ULK4: variants seen among roughly 807,000 people sequenced by gnomAD.
ULK4 encodes the protein unc-51 like kinase 4.
ULK4 carries 133 observed loss-of-function variants against 160.6 expected under a neutral mutation model. The ratio of observed to expected loss-of-function variants is 0.83; its 90% CI spans 0.72 to 0.96. The LOEUF is 0.96. Among genes scored for constraint, ULK4 ranks in the 40% least tolerant of loss-of-function variants. The pLI, the probability that ULK4 is intolerant of heterozygous loss-of-function variation, is 0.00. For missense variants in ULK4, 1,580 were observed against 1,499.5 expected (o/e 1.05, Z -0.89); for synonymous variants, 534 against 539.8 (o/e 0.99, Z 0.15).
Position 41,696,353 on chromosome 3 carries a change from T to A in ULK4, c.2781+8704A>T, listed in dbSNP as rs543654475. ...TTTCTGATATGCAGAAATAATGGTG[T>A]AAGCTGTCTCTCTCTCTCCCTCTCT... On this transcript the variant is annotated intron_variant, in intron 27 of 36. Transcript: ENST00000301831. Among the ~76,000 whole-genome samples, 184 of 152,296 alleles carry A rather than the reference T, an allele frequency of 1.2e-3. 1 individual carries two copies. The highest frequency in any genetic ancestry group is 2.2e-3 in the Admixed American group (33 of 15,302).
At chr3:41,930,828 A>T (rs1370275289) in intron 5 of ULK4, among the ~76,000 whole-genome samples, 1 of 152,236 alleles carries the variant, frequency 6.6e-6, no homozygotes, top group African/African-American at 2.4e-5. Flanking sequence ...ATTATTAAAA[A>T]GTCAAGAAAC....
rs911655819 is a variant in ULK4, at chr3:41,760,699, T to C, written c.2194-6211A>G. On this transcript the variant is annotated intron_variant, in intron 21 of 36. Transcript: ENST00000301831. ...CAAGGTGTATATGAAACATAAATAT[T>C]GTGCTTAGACTTGGGTCCCATCCCC... Among the ~76,000 whole-genome samples, 99 of 152,184 alleles carry C rather than the reference T, an allele frequency of 6.5e-4. 1 individual carries two copies. The highest frequency in any genetic ancestry group is 5.1e-3 in the Admixed American group (78 of 15,278).
chr3:41,748,712 C>T (rs1194557854), intron 22 of ULK4, among the ~76,000 whole-genome samples: 1 of 152,210 alleles, frequency 6.6e-6, no homozygotes, highest in Non-Finnish European at 1.5e-5. Context: ...ATTTATTTAA[C>T]TTTCCATTCT....
chr3:41,552,528 G>C (rs1328857836), intron 32 of ULK4, among the ~76,000 whole-genome samples: 3 of 151,462 alleles, frequency 2.0e-5, no homozygotes, highest in Non-Finnish European at 4.4e-5. Context: ...AACTACCTAG[G>C]AATAAATTTA....
chr3:41,732,874 T>C (rs1277561671), intron 22 of ULK4, among the ~76,000 whole-genome samples: 1 of 152,100 alleles, frequency 6.6e-6, no homozygotes, highest in East Asian at 1.9e-4. Flanking sequence ...CCAGGCATGA[T>C]CTCGCTCATA....
intron 35 of ULK4, among the ~76,000 whole-genome samples, chr3:41,376,036 T>G (rs56309005): frequency 0.23 from 33,993 of 150,000 alleles, 4,814 homozygotes; most frequent in South Asian, 0.33. Flanking sequence ...TAAAAAAAGC[T>G]CATCATCGCT....
intron 35 of ULK4, among the ~76,000 whole-genome samples, chr3:41,340,724 G>C (rs960087725): frequency 6.6e-6 from 1 of 152,220 alleles, no homozygotes; most frequent in African/African-American, 2.4e-5. Flanking sequence ...GTTCTGGAGA[G>C]TACTGAACTA....
At chr3:41,526,484 T>TA (rs1227878024) in intron 32 of ULK4, among the ~76,000 whole-genome samples, 1 of 152,210 alleles carries the variant, frequency 6.6e-6, no homozygotes, top group African/African-American at 2.4e-5. Flanking sequence ...TTCTTAAGCT[T>TA]AAAGGCAAGA....
At chr3:41,911,768 G>T in intron 9 of ULK4, 109 bp from the exon 10 acceptor site, 2 of 811,428 alleles carry the variant, frequency 2.5e-6, no homozygotes, top group Non-Finnish European at 4.0e-6. Flanking sequence ...ATGACATTTA[G>T]CAAAGTTACA....
intron 20 of ULK4, among the ~76,000 whole-genome samples, chr3:41,797,516 T>C (rs945607276): frequency 6.6e-6 from 1 of 151,880 alleles, no homozygotes; most frequent in Non-Finnish European, 1.5e-5. Context: ...ACGTGAAAAA[T>C]ACAAAAACTG....
At chr3:41,911,890 C>T (rs1247526193) in intron 9 of ULK4, among the ~76,000 whole-genome samples, 4 of 152,180 alleles carry the variant, frequency 2.6e-5, no homozygotes, top group African/African-American at 9.7e-5. Flanking sequence ...TGGTGGTACA[C>T]ACCTGTAATC....
chr3:41,789,815 G>A lies in ULK4; in HGVS notation c.2039C>T (p.Pro680Leu), dbSNP rs369408482. The A allele has an allele frequency of 3.1e-6, 5 of 1,612,130 alleles. No homozygotes were observed. The highest frequency in any genetic ancestry group is 4.2e-6 in the Non-Finnish European group (5 of 1,179,282). The part of the protein sequence containing the change: ...SALCRITRHS[P>L]TAFQNVIEKV... ...TTCAATAACATTCTGGAAGGCAGTA[G>A]GAGAATGGCGAGTGATTCTACACAA... is the stretch of plus-strand genomic sequence containing the variant. The change falls in exon 21 of 37, where the codon CCT becomes CTT. Residue 680 changes from proline (P) to leucine (L), a missense_variant. Transcript: ENST00000301831.
chr3:41,549,690 C>T (rs1490449685), intron 32 of ULK4, among the ~76,000 whole-genome samples: 1 of 151,886 alleles, frequency 6.6e-6, no homozygotes, highest in African/African-American at 2.4e-5. Flanking sequence ...ATAGGAAGCT[C>T]AAATATTGCC....
intron 25 of ULK4, among the ~76,000 whole-genome samples, chr3:41,713,735 T>C (rs1049439906): frequency 1.5e-5 from 2 of 136,794 alleles, no homozygotes; most frequent in African/African-American, 7.3e-5. Context: ...AAAGTCTTTA[T>C]GGACACACTC....
At chr3:41,663,837 C>T (rs1436914918) in intron 29 of ULK4, 138 bp from the exon 30 acceptor site, 1 of 675,726 alleles carries the variant, frequency 1.5e-6, no homozygotes. Flanking sequence ...AAGTAATTTA[C>T]CTCTCATGTG....
At chr3:41,699,631 G>A (rs908245594) in intron 27 of ULK4, among the ~76,000 whole-genome samples, 7 of 152,192 alleles carry the variant, frequency 4.6e-5, no homozygotes, top group Admixed American at 1.3e-4. Flanking sequence ...TTAAGAGCTC[G>A]TGCTCAGCAA....
intron 35 of ULK4, among the ~76,000 whole-genome samples, chr3:41,386,598 A>C (rs1006568533): frequency 6.6e-6 from 1 of 152,174 alleles, no homozygotes; most frequent in Non-Finnish European, 1.5e-5. Flanking sequence ...TTTGCGTTCC[A>C]TTTGTGGTCC....
intron 34 of ULK4, among the ~76,000 whole-genome samples, chr3:41,429,881 C>A (rs1166780179): frequency 1.3e-5 from 2 of 152,078 alleles, no homozygotes; most frequent in Non-Finnish European, 2.9e-5. Flanking sequence ...ACCTGCTCAT[C>A]CTGCACATGT....
At chr3:41,525,444 T>C (rs925043620) in intron 32 of ULK4, among the ~76,000 whole-genome samples, 2 of 152,214 alleles carry the variant, frequency 1.3e-5, no homozygotes, top group Non-Finnish European at 2.9e-5. Context: ...ATGGCATCAA[T>C]GGACTCTCGT....
Sources: allele counts gnomAD v4.1 joint callset (sites outside exome capture counted in the v4.1 genomes callset), GRCh38; gene constraint gnomAD v4.1.1; transcripts MANE v1.5; gene names NCBI Gene and HGNC (gene_info 2026-07-23, HGNC 2026-07-21).